PLD5: variants seen among roughly 807,000 people sequenced by gnomAD.
The protein encoded by PLD5 is phospholipase D family member 5, also known as inactive phospholipase D5.
Under a neutral mutation model 61.1 loss-of-function variants are expected in PLD5, and 36 were observed. The observed-to-expected ratio is 0.59, with a 90% CI of 0.45 to 0.78. The LOEUF (loss-of-function observed/expected upper bound fraction) is 0.78. Ranked by LOEUF, PLD5 falls within the 30% of genes least tolerant of loss-of-function variation. The pLI is 0.00. For missense variants in PLD5, 515 were observed against 644.4 expected (o/e 0.80, Z 2.17); for synonymous variants, 243 against 242.8 (o/e 1.00, Z -0.01).
At chr1:242,215,506 T>C (rs910405207) in intron 5 of PLD5, among the ~76,000 whole-genome samples, 1 of 152,192 alleles carries the variant, frequency 6.6e-6, no homozygotes, top group Non-Finnish European at 1.5e-5. Flanking sequence ...TGCACTTTGC[T>C]AAAACCTCTC....
intron 1 of PLD5, among the ~76,000 whole-genome samples, chr1:242,440,196 G>GT (rs1666206629): frequency 2.0e-5 from 3 of 152,218 alleles, no homozygotes; most frequent in Admixed American, 2.0e-4. Flanking sequence ...AGGAATTTTA[G>GT]TTTTTTTCAG....
In PLD5 at chr1:242,432,963, G is replaced by A. The variant is rs561098560; in HGVS notation, c.190-84721C>T. ...GCCAGCTTGACATGGTGCCTCTCTC[G>A]TTCCCATGTCAAAGTTTCTGTGGCA... is the stretch of plus-strand genomic sequence containing the variant. On this transcript the variant is annotated intron_variant, in intron 1 of 9. Transcript: ENST00000536534. 1.5e-3 allele frequency among the ~76,000 whole-genome samples: 232 copies of A among 152,196 alleles called. 1 individual carries two copies. Among genetic ancestry groups the A allele is most frequent in the Non-Finnish European group, 2.4e-3 (164 of 68,014 alleles).
At chr1:242,321,223 AAAT>A (rs1366372931) in intron 2 of PLD5, among the ~76,000 whole-genome samples, 1 of 151,558 alleles carries the variant, frequency 6.6e-6, no homozygotes, top group Non-Finnish European at 1.5e-5. Context: ...TCTAAAAAAA[AAAT>A]AATGGAGAGT....
chr1:242,456,754 T>C (rs1666955825), intron 1 of PLD5, among the ~76,000 whole-genome samples: 1 of 152,200 alleles, frequency 6.6e-6, no homozygotes, highest in Middle Eastern at 3.2e-3. Context: ...TTTTGAAACA[T>C]CAGAAGATCT....
chr1:242,512,281 A>G (rs553524904), intron 1 of PLD5, among the ~76,000 whole-genome samples: 34 of 151,832 alleles, frequency 2.2e-4, no homozygotes, highest in South Asian at 4.2e-4. Context: ...TTAGCCAGGC[A>G]TGGTGGCGGG....
chr1:242,493,762 T>C (rs1668252676), intron 1 of PLD5, among the ~76,000 whole-genome samples: 1 of 151,988 alleles, frequency 6.6e-6, no homozygotes, highest in African/African-American at 2.4e-5. Context: ...ATGTTCAGCA[T>C]CCCCTGGTGC....
chr1:242,313,385 G>T (rs3927023), intron 2 of PLD5, among the ~76,000 whole-genome samples: 1 of 152,170 alleles, frequency 6.6e-6, no homozygotes, highest in Non-Finnish European at 1.5e-5. Flanking sequence ...ATCTTTTGCT[G>T]TCATGTTTTG....
chr1:242,460,356 T>G (rs1262029243), intron 1 of PLD5, among the ~76,000 whole-genome samples: 1 of 152,122 alleles, frequency 6.6e-6, no homozygotes, highest in Non-Finnish European at 1.5e-5. Flanking sequence ...ATCTTGTGTG[T>G]GTCTATTATT....
chr1:242,455,651 A>G (rs918887524), intron 1 of PLD5, among the ~76,000 whole-genome samples: 1 of 152,230 alleles, frequency 6.6e-6, no homozygotes, highest in Non-Finnish European at 1.5e-5. Context: ...AGGCGCTTAT[A>G]TGGACTCCCA....
intron 1 of PLD5, among the ~76,000 whole-genome samples, chr1:242,501,967 T>C (rs1170481349): frequency 6.6e-6 from 1 of 152,148 alleles, no homozygotes; most frequent in East Asian, 1.9e-4. Flanking sequence ...TATTGACTTG[T>C]ATGAAAATAT....
chr1:242,218,794 CCTTGGGTAAGTTA>C (rs1383888231), intron 5 of PLD5, among the ~76,000 whole-genome samples: 4 of 152,094 alleles, frequency 2.6e-5, no homozygotes, highest in African/African-American at 9.7e-5. Flanking sequence ...TGAAAAGTGT[CCTTGGGTAAGTTA>C]CTTACCTATG....
chr1:242,466,763 T>A (rs1441757239), intron 1 of PLD5, among the ~76,000 whole-genome samples: 5 of 151,970 alleles, frequency 3.3e-5, no homozygotes, highest in Non-Finnish European at 7.4e-5. Context: ...CACAATGGCA[T>A]GCACCTGCAC....
intron 5 of PLD5, among the ~76,000 whole-genome samples, chr1:242,208,484 T>C (rs1434221003): frequency 6.6e-6 from 1 of 152,158 alleles, no homozygotes; most frequent in African/African-American, 2.4e-5. Flanking sequence ...CTTTCTCAGG[T>C]AATGACCATA....
intron 5 of PLD5, among the ~76,000 whole-genome samples, chr1:242,160,409 C>A (rs1665731114): frequency 1.3e-5 from 2 of 152,128 alleles, no homozygotes; most frequent in South Asian, 4.1e-4. Flanking sequence ...ACCCCTAACT[C>A]AACCATCACT....
chr1:242,484,321 T>C (rs577403905), intron 1 of PLD5, among the ~76,000 whole-genome samples: 3 of 151,752 alleles, frequency 2.0e-5, no homozygotes, highest in South Asian at 2.1e-4. Context: ...GCAAGACTAA[T>C]AAAGAAGAAA....
chr1:242,412,166 G>A (rs546853246), intron 1 of PLD5, among the ~76,000 whole-genome samples: 2 of 152,240 alleles, frequency 1.3e-5, no homozygotes, highest in Non-Finnish European at 2.9e-5. Context: ...ATGAAGTCTT[G>A]AAAGATCTGA....
intron 1 of PLD5, among the ~76,000 whole-genome samples, chr1:242,357,683 C>T (rs183395450): frequency 2.1e-3 from 324 of 152,162 alleles, no homozygotes; most frequent in African/African-American, 7.5e-3. Context: ...GACAGGGTTT[C>T]ACCATGTTGG....
intron 1 of PLD5, among the ~76,000 whole-genome samples, chr1:242,457,885 C>T (rs923712920): frequency 2.6e-5 from 4 of 152,130 alleles, no homozygotes; most frequent in African/African-American, 4.8e-5. Flanking sequence ...CAGGGATGGA[C>T]GCTCCTATCG....
chr1:242,089,446 C>G lies in PLD5; in HGVS notation c.*408G>C. The G allele has an allele frequency of 2.3e-6, 1 of 425,674 alleles. No homozygotes were observed. The highest frequency in any genetic ancestry group is 3.9e-5 in the Admixed American group (1 of 25,650). The allele number at this position is 425,674 out of a possible 1,614,324, so 26.4% of individuals were successfully genotyped here. A position where few individuals can be genotyped will look rare whatever the true frequency, so the allele number is the denominator to read the frequency against. On this transcript the variant is annotated 3_prime_UTR_variant, in exon 10 of 10. Transcript: ENST00000536534. ...CACTTGGTTTTATCAGTCTCTTCTC[C>G]AAGGCAAAATCCTCACCTTCCTCTC...
Sources: allele counts gnomAD v4.1 joint callset (sites outside exome capture counted in the v4.1 genomes callset), GRCh38; gene constraint gnomAD v4.1.1; transcripts MANE v1.5; gene names NCBI Gene and HGNC (gene_info 2026-07-23, HGNC 2026-07-21).